Variants in ELAC2 observed in about 807,000 individuals in gnomAD.
ELAC2 encodes the protein elaC ribonuclease Z 2.
A neutral mutation model predicts 105.2 loss-of-function variants in ELAC2; 92 were observed. The ratio of observed to expected loss-of-function variants is 0.87; its 90% CI spans 0.74 to 1.04. The LOEUF (loss-of-function observed/expected upper bound fraction) is 1.04. Ranked by LOEUF, ELAC2 falls within the 50% of genes least tolerant of loss-of-function variation. ELAC2 has a pLI of 0.00. For synonymous variants in ELAC2, 468 were observed against 409.1 expected, an observed-to-expected ratio of 1.14 and a Z score of -1.74; for missense variants, 1,099 against 1,071.7, an observed-to-expected ratio of 1.03 and a Z score of -0.36.
intron 6 of ELAC2, among the ~76,000 whole-genome samples, chr17:13,012,413 C>A (rs2041467874): frequency 6.6e-6 from 1 of 152,198 alleles, no homozygotes; most frequent in African/African-American, 2.4e-5. Context: ...TGAGAGAAGG[C>A]ATCTGAGCAG....
At chr17:13,000,097 A>G (rs2040696493) in intron 15 of ELAC2, 59 bp downstream of exon 15, 8 of 1,533,698 alleles carry the variant, frequency 5.2e-6, no homozygotes, top group Non-Finnish European at 6.3e-6. Context: ...TAATGCTAGG[A>G]AAACAGCAGC....
rs1372327923 is a variant in ELAC2 at position 13,000,037 on chromosome 17, T to C, written c.1423+119A>G. 8 of 874,462 alleles carry C rather than the reference T, an allele frequency of 9.1e-6. No homozygotes were observed. In the Admixed American group the frequency reaches 1.5e-4, roughly 16 times the overall value. 54.2% of individuals were successfully genotyped at this position (874,462 alleles called of 1,614,324 possible). On this transcript the variant is annotated intron_variant, in intron 15 of 23. Transcript: ENST00000338034. ...AATGTAGAGCTGAGTAGAGAAGCCC[T>C]GGATTAGACTGAAAAGCCAGGTTAG...
In ELAC2 at chr17:13,016,594, T is replaced by C. The variant is rs374645165; in HGVS notation, c.367+268A>G. Among the ~76,000 whole-genome samples, 76 of 151,568 alleles carry C rather than the reference T, an allele frequency of 5.0e-4. No homozygotes were observed. The South Asian group carries it at 0.013, about 26-fold the overall frequency. ...AAGTTTGAGACCAGCCTGGGCAACATAGCAAAACCCCGTCGCTACAAAACA... is the reference window on the plus strand; with the variant it reads ...AAGTTTGAGACCAGCCTGGGCAACACAGCAAAACCCCGTCGCTACAAAACA... On this transcript the variant is annotated intron_variant, in intron 3 of 23. Coordinates refer to ENST00000338034, the MANE Select transcript of ELAC2 (RefSeq NM_018127.7).
Position 12,992,505 on chromosome 17 carries a change from G to A in ELAC2, c.*313C>T. The A allele has an allele frequency of 2.2e-6, 1 of 463,866 alleles. No homozygotes were observed. The highest frequency in any genetic ancestry group is 1.9e-5 in the African/African-American group (1 of 52,026). The allele number at this position is 463,866 out of a possible 1,614,324, so 28.7% of individuals were successfully genotyped here. On this transcript the variant is annotated 3_prime_UTR_variant, in exon 24 of 24. Coordinates refer to ENST00000338034, the MANE Select transcript of ELAC2 (RefSeq NM_018127.7). ...CTGGTGTGCAGGGAATCACTTTGCT[G>A]GATTAGAGGAAAGGTGCCGCCGTCT... is the stretch of plus-strand genomic sequence containing the variant.
At chr17:13,014,064 C>T (rs547649824) in intron 5 of ELAC2, among the ~76,000 whole-genome samples, 6 of 152,180 alleles carry the variant, frequency 3.9e-5, no homozygotes, top group East Asian at 1.9e-4. Context: ...GAGGCTGAGG[C>T]GGGCAGATCA....
chr17:13,007,195 A>C (rs2041157956), intron 8 of ELAC2, among the ~76,000 whole-genome samples: 1 of 152,172 alleles, frequency 6.6e-6, no homozygotes, highest in African/African-American at 2.4e-5. Flanking sequence ...AAACTTCACA[A>C]TCATTTTATA....
chr17:13,004,026 A>C (rs2143616086), intron 11 of ELAC2: 1 of 205,124 alleles, frequency 4.9e-6, no homozygotes, highest in African/African-American at 2.3e-5. Flanking sequence ...GGCACGAGAA[A>C]TGAAAATCAT....
intron 9 of ELAC2, 25 bp from the exon 10 acceptor site, chr17:13,005,850 G>A: frequency 6.2e-7 from 1 of 1,614,034 alleles, no homozygotes; most frequent in Non-Finnish European, 8.5e-7. Context: ...CAAGGCCTCT[G>A]TGAAATGTGA....
intron 23 of ELAC2, 60 bp downstream of exon 23, chr17:12,993,627 G>A: frequency 6.2e-7 from 1 of 1,610,942 alleles, no homozygotes; most frequent in Non-Finnish European, 8.5e-7. Context: ...CCTACTCAGT[G>A]TGTAGAGTCC....
chr17:13,011,551 A>T, intron 7 of ELAC2, 112 bp downstream of exon 7: 1 of 1,554,388 alleles, frequency 6.4e-7, no homozygotes, highest in Non-Finnish European at 8.9e-7. Context: ...AGGAAGAAGG[A>T]TCTGTTTACA....
At chr17:13,000,016 T>C (rs1022521533) in intron 15 of ELAC2, 140 bp downstream of exon 15, 95 of 747,464 alleles carry the variant, frequency 1.3e-4, no homozygotes, top group Non-Finnish European at 1.4e-4. Flanking sequence ...AATTCTAATG[T>C]AGAGCTGAGT....
intron 6 of ELAC2, among the ~76,000 whole-genome samples, chr17:13,012,442 T>C (rs921252807): frequency 3.3e-5 from 5 of 152,120 alleles, no homozygotes; most frequent in African/African-American, 1.2e-4. Context: ...AGCCAGGCAA[T>C]GGGAGTGCTG....
Position 12,992,899 on chromosome 17 carries a change from T to C in ELAC2, c.2400A>G (p.Ala800=), listed in dbSNP as rs748616092. 3.1e-6 allele frequency: 5 copies of C among 1,612,238 alleles called. No homozygotes were observed. The highest frequency in any genetic ancestry group is 1.1e-5 in the South Asian group (1 of 91,068). ...VRAALLSREL[A]GGLEDGEPQQ... is the part of the protein sequence containing the mutation. ...GAGGCTCCCCATCCTCCAGGCCGCC[T>C]GCCAGCTCCCTGGACAGGAGGGCCG... The change falls in exon 24 of 24, where the codon GCA becomes GCG. Residue 800 remains alanine, a synonymous_variant. Transcript: ENST00000338034.
Position 12,998,515 on chromosome 17 carries a change from A to G in ELAC2, c.1424-7T>C. On this transcript the variant is annotated splice_region_variant and splice_polypyrimidine_tract_variant and intron_variant, in intron 15 of 23. Transcript: ENST00000338034. ...GGGTACTGACTTCTTTTCTCTGTGA[A>G]AAAATCCATGTGAAACAATCCATTC... 6.2e-7 allele frequency: 1 copy of G among 1,613,088 alleles called. No homozygotes were observed. Among genetic ancestry groups the G allele is most frequent in the Non-Finnish European group, 8.5e-7 (1 of 1,179,038 alleles).
In ELAC2 at chr17:13,005,761, C is replaced by G; in HGVS notation, c.862G>C (p.Gly288Arg). ...VKDGKSITHE[G>R]REILAEELCT... ...AAAACCAGGCATCTCACCTCTCTTCCTTCATGAGTGATGCTTTTCCCGTCC... is the reference window on the plus strand; with the variant it reads ...AAAACCAGGCATCTCACCTCTCTTCGTTCATGAGTGATGCTTTTCCCGTCC... The change falls in exon 10 of 24, where the codon GGA (glycine) becomes CGA (arginine). Residue 288 changes from glycine (G) to arginine (R), a missense_variant. Transcript: ENST00000338034. 1 of 1,614,186 alleles carries G rather than the reference C, an allele frequency of 6.2e-7. No individual in the cohort carries two copies. Among genetic ancestry groups the G allele is most frequent in the Non-Finnish European group, 8.5e-7 (1 of 1,180,042 alleles).
In ELAC2 at chr17:13,014,162, A is replaced by G. The variant is rs7211501; in HGVS notation, c.490+277T>C. ...CAAAAAATTAGCTGAGCGTGATGGC[A>G]TGCGCCTGTAGTCCTAGCTACTCAG... On this transcript the variant is annotated intron_variant, in intron 5 of 23. Transcript: ENST00000338034. 0.27 allele frequency among the ~76,000 whole-genome samples: 41,670 copies of G among 151,818 alleles called. 5,908 individuals are homozygous for G. Among genetic ancestry groups the G allele is most frequent in the Middle Eastern group, 0.33 (97 of 294 alleles).
At chr17:13,010,830 CT>C (rs1469473412) in intron 7 of ELAC2, among the ~76,000 whole-genome samples, 159 bp from the exon 8 acceptor site, 4 of 152,162 alleles carry the variant, frequency 2.6e-5, no homozygotes, top group African/African-American at 9.7e-5. Flanking sequence ...CTCAAGAAGA[CT>C]TTTTTTCCCT....
chr17:12,993,316 CT>C (rs2143543832), intron 23 of ELAC2, among the ~76,000 whole-genome samples: 1 of 152,356 alleles, frequency 6.6e-6, no homozygotes, highest in African/African-American at 2.4e-5. Context: ...AAAACGAGGC[CT>C]GGCTCCGGCT....
rs776632766 is a variant in ELAC2, at chr17:13,016,823, C to T, written c.367+39G>A. 1.7e-5 allele frequency: 27 copies of T among 1,599,940 alleles called. No individual in the cohort carries two copies. In the South Asian group the frequency reaches 2.8e-4, roughly 16 times the overall value. On this transcript the variant is annotated intron_variant, in intron 3 of 23. Coordinates refer to ENST00000338034, the MANE Select transcript of ELAC2 (RefSeq NM_018127.7). The stretch of plus-strand genomic sequence containing the variant: ...GTAAAGCCGGTTAAAATCCCAGAGA[C>T]TTCCCACCAGCCTCTGACACTGCAA...
Sources: gnomAD v4.1 joint callset for allele counts (sites outside exome capture counted in the v4.1 genomes callset) on GRCh38, gnomAD v4.1.1 for gene constraint, MANE v1.5 for transcripts, NCBI Gene and HGNC (gene_info 2026-07-23, HGNC 2026-07-21) for gene names.